The following FAM13A variants were observed in gnomAD, a reference collection of about 807,000 sequenced individuals.
The protein encoded by FAM13A is protein FAM13A.
A neutral mutation model predicts 129.6 loss-of-function variants in FAM13A; 76 were observed. The ratio of observed to expected loss-of-function variants is 0.59; its 90% CI spans 0.49 to 0.71. FAM13A has a LOEUF of 0.71. Ranked by LOEUF, FAM13A falls within the 30% of genes least tolerant of loss-of-function variation. The probability of loss-of-function intolerance (pLI) is 0.00; values close to 1 mark genes in which losing one functional copy is unlikely to be tolerated. For synonymous variants in FAM13A, 443 were observed against 449.9 expected, an observed-to-expected ratio of 0.98 and a Z score of 0.20; for missense variants, 1,108 against 1,249.3, an observed-to-expected ratio of 0.89 and a Z score of 1.70.
chr4:88,864,507 C>G (rs942454563), intron 6 of FAM13A, among the ~76,000 whole-genome samples: 8 of 152,232 alleles, frequency 5.3e-5, no homozygotes, highest in Admixed American at 3.3e-4. Flanking sequence ...CTCCCAGGTT[C>G]AAGCTATTCT....
chr4:88,900,878 A>G (rs192498912), intron 6 of FAM13A, among the ~76,000 whole-genome samples: 122 of 152,282 alleles, frequency 8.0e-4, no homozygotes, highest in African/African-American at 2.8e-3. Context: ...AAGACCCATC[A>G]GTATGCTGTC....
chr4:88,968,084 A>T (rs940830661), intron 4 of FAM13A, among the ~76,000 whole-genome samples: 1 of 152,238 alleles, frequency 6.6e-6, no homozygotes, highest in African/African-American at 2.4e-5. Context: ...TTTGTTGACT[A>T]AATGTGGAAG....
chr4:88,922,381 C>T (rs1751267955), intron 5 of FAM13A, among the ~76,000 whole-genome samples: 1 of 152,042 alleles, frequency 6.6e-6, no homozygotes, highest in South Asian at 2.1e-4. Context: ...CAAACTAGAA[C>T]TCAGGATTAA....
intron 4 of FAM13A, among the ~76,000 whole-genome samples, chr4:88,953,400 A>G (rs1039732622): frequency 3.9e-5 from 6 of 152,208 alleles, no homozygotes; most frequent in African/African-American, 7.2e-5. Flanking sequence ...GGTTGCAGTG[A>G]GCCGAGATTG....
intron 6 of FAM13A, among the ~76,000 whole-genome samples, chr4:88,854,094 A>G (rs1738084438): frequency 6.6e-6 from 1 of 152,194 alleles, no homozygotes. Context: ...TCACCTTGTG[A>G]TCGTGTGAGT....
Position 88,788,507 on chromosome 4 carries a change from T to G in FAM13A, c.1092-575A>C, listed in dbSNP as rs1313613550. Among the ~76,000 whole-genome samples, 96 of 152,184 alleles carry G rather than the reference T, an allele frequency of 6.3e-4. 1 individual carries two copies. The highest frequency in any genetic ancestry group is 1.2e-4 in the Non-Finnish European group (8 of 68,032). ...CTTTCCTAACCTCTATTCAATTAAA[T>G]TGTGATGTTTATAATTAAAGCTGTA... On this transcript the variant is annotated intron_variant, in intron 9 of 23. Coordinates refer to ENST00000264344, the MANE Select transcript of FAM13A (RefSeq NM_014883.4).
chr4:88,935,262 G>A (rs984168610), intron 5 of FAM13A, among the ~76,000 whole-genome samples: 10 of 152,128 alleles, frequency 6.6e-5, no homozygotes, highest in Non-Finnish European at 1.3e-4. Flanking sequence ...AAATACAACC[G>A]AACATATTTC....
At chr4:88,989,338 A>G (rs565026098) in intron 4 of FAM13A, among the ~76,000 whole-genome samples, 37 of 151,708 alleles carry the variant, frequency 2.4e-4, no homozygotes, top group Non-Finnish European at 5.2e-4. Context: ...ACAGTGGCTC[A>G]TGCCCGTAAT....
intron 7 of FAM13A, among the ~76,000 whole-genome samples, chr4:88,836,788 C>T (rs772727423): frequency 1.3e-5 from 2 of 151,732 alleles, no homozygotes; most frequent in Admixed American, 6.6e-5. Flanking sequence ...GGTGAAACCC[C>T]GTCTCTACTA....
At chr4:88,979,472 T>C (rs931103411) in intron 4 of FAM13A, among the ~76,000 whole-genome samples, 1 of 152,228 alleles carries the variant, frequency 6.6e-6, no homozygotes, top group African/African-American at 2.4e-5. Flanking sequence ...GGATTCAGAA[T>C]CCTGACTCTA....
intron 4 of FAM13A, among the ~76,000 whole-genome samples, chr4:88,960,310 C>A (rs754831099): frequency 2.8e-4 from 43 of 152,188 alleles, no homozygotes; most frequent in Non-Finnish European, 5.1e-4. Flanking sequence ...CATCCTGAAG[C>A]CTATTTGATT....
chr4:88,874,427 G>A (rs1237946205), intron 6 of FAM13A, among the ~76,000 whole-genome samples: 1 of 152,140 alleles, frequency 6.6e-6, no homozygotes, highest in African/African-American at 2.4e-5. Context: ...AAGCTGATAA[G>A]CAACTTCAGC....
Position 88,727,006 on chromosome 4 carries a change from C to A in FAM13A, c.*1527G>T, listed in dbSNP as rs941892962. 4 of 152,302 alleles carry A rather than the reference C, an allele frequency of 2.6e-5. No homozygotes were observed. Among genetic ancestry groups the A allele is most frequent in the Non-Finnish European group, 5.9e-5 (4 of 68,036 alleles). The allele number at this position is 152,302 out of a possible 1,614,324, so 9.4% of individuals were successfully genotyped here. Reference sequence around the variant, plus strand: ...TTGCTGTAAATCCCATTGGACCAGCCAGTTTCTCACGACCCTTTAAAACTG... The same window carrying A: ...TTGCTGTAAATCCCATTGGACCAGCAAGTTTCTCACGACCCTTTAAAACTG... On this transcript the variant is annotated 3_prime_UTR_variant, in exon 24 of 24. Transcript: ENST00000264344.
At chr4:88,956,720 G>A (rs986655372) in intron 4 of FAM13A, among the ~76,000 whole-genome samples, 10 of 152,170 alleles carry the variant, frequency 6.6e-5, no homozygotes, top group African/African-American at 2.2e-4. Flanking sequence ...CTTCCTAGGG[G>A]AGAATCTGTT....
intron 8 of FAM13A, among the ~76,000 whole-genome samples, chr4:88,802,588 T>A (rs905122899): frequency 2.6e-5 from 4 of 152,182 alleles, no homozygotes; most frequent in Non-Finnish European, 5.9e-5. Context: ...GGCATGACTG[T>A]TCAATGAGAA....
At chr4:88,972,503 G>C (rs952367321) in intron 4 of FAM13A, among the ~76,000 whole-genome samples, 5 of 151,760 alleles carry the variant, frequency 3.3e-5, no homozygotes, top group Admixed American at 2.6e-4. Flanking sequence ...GTATCACCAT[G>C]TTGGCCAGGC....
At chr4:88,813,470 C>A (rs755642021) in intron 7 of FAM13A, among the ~76,000 whole-genome samples, 2 of 152,068 alleles carry the variant, frequency 1.3e-5, no homozygotes, top group Non-Finnish European at 2.9e-5. Flanking sequence ...ATTTTCAAAT[C>A]TTTAGTCACT....
chr4:88,975,811 C>T (rs1760827099), intron 4 of FAM13A, among the ~76,000 whole-genome samples: 1 of 152,126 alleles, frequency 6.6e-6, no homozygotes, highest in South Asian at 2.1e-4. Flanking sequence ...ACAAATAACC[C>T]GTGATGAGTG....
intron 3 of FAM13A, among the ~76,000 whole-genome samples, chr4:89,012,605 T>C (rs943686454): frequency 6.6e-6 from 1 of 152,190 alleles, no homozygotes; most frequent in African/African-American, 2.4e-5. Context: ...GTTATAGAAA[T>C]GAATGAATTT....
Sources: gnomAD v4.1 joint callset for allele counts (sites outside exome capture counted in the v4.1 genomes callset) on GRCh38, gnomAD v4.1.1 for gene constraint, MANE v1.5 for transcripts, NCBI Gene and HGNC (gene_info 2026-07-23, HGNC 2026-07-21) for gene names.